Variants in PHF14 observed in about 807,000 individuals in gnomAD.
PHF14 encodes the protein PHD finger protein 14.
Under a neutral mutation model 117.9 loss-of-function variants are expected in PHF14, and 55 were observed. That is an observed-to-expected ratio of 0.47 (90% CI 0.38 to 0.58). The LOEUF is 0.58. Among genes scored for constraint, PHF14 ranks in the 20% least tolerant of loss-of-function variants. The pLI is 0.00. For synonymous variants in PHF14, 409 were observed against 368.6 expected, an observed-to-expected ratio of 1.11 and a Z score of -1.26; for missense variants, 978 against 1,122.2, an observed-to-expected ratio of 0.87 and a Z score of 1.84.
intron 13 of PHF14, among the ~76,000 whole-genome samples, chr7:11,047,243 T>C (rs1784699436): frequency 1.3e-5 from 2 of 152,040 alleles, no homozygotes; most frequent in Admixed American, 1.3e-4. Flanking sequence ...TAATTTTTTG[T>C]ATTTTTAGTA....
chr7:11,005,787 CTTTTTTTTTT>C (rs951270672), intron 4 of PHF14, among the ~76,000 whole-genome samples: 5 of 84,448 alleles, frequency 5.9e-5, no homozygotes, highest in Admixed American at 3.2e-4. Flanking sequence ...AGTAAAAATT[CTTTTTTTTTT>C]TTTTTTTTTT....
chr7:11,001,951 C>T (rs964107444), intron 4 of PHF14, among the ~76,000 whole-genome samples: 1 of 152,082 alleles, frequency 6.6e-6, no homozygotes, highest in Non-Finnish European at 1.5e-5. Flanking sequence ...CTTCTAGTTT[C>T]TCATCGTTAA....
intron 5 of PHF14, among the ~76,000 whole-genome samples, chr7:11,015,469 G>A (rs1783502940): frequency 6.6e-6 from 1 of 152,162 alleles, no homozygotes; most frequent in African/African-American, 2.4e-5. Context: ...CATAGGCATA[G>A]GCATTACTCT....
intron 4 of PHF14, among the ~76,000 whole-genome samples, chr7:10,991,428 G>T (rs2539823): frequency 6.6e-6 from 1 of 151,776 alleles, no homozygotes; most frequent in Admixed American, 6.6e-5. Flanking sequence ...CACCCGCCTT[G>T]GCCACCCAAG....
intron 17 of PHF14, among the ~76,000 whole-genome samples, chr7:11,122,254 A>G (rs1787776533): frequency 6.7e-6 from 1 of 148,670 alleles, no homozygotes; most frequent in Non-Finnish European, 1.5e-5. Context: ...TACTATTTCC[A>G]GATCACAGTT....
intron 16 of PHF14, among the ~76,000 whole-genome samples, chr7:11,070,697 T>G (rs1007113132): frequency 2.6e-5 from 4 of 152,226 alleles, no homozygotes; most frequent in Non-Finnish European, 5.9e-5. Flanking sequence ...GTAAGTTGTG[T>G]CATTATTGTC....
At chr7:11,008,152 A>G (rs1008614778) in intron 4 of PHF14, among the ~76,000 whole-genome samples, 1 of 152,206 alleles carries the variant, frequency 6.6e-6, no homozygotes. Context: ...TTTAGTTGCT[A>G]TTCATTAAAT....
intron 17 of PHF14, among the ~76,000 whole-genome samples, chr7:11,144,808 A>G (rs1428516598): frequency 6.6e-6 from 1 of 151,800 alleles, no homozygotes; most frequent in East Asian, 1.9e-4. Context: ...AACATATATG[A>G]ACCTTAAGAA....
At chr7:11,008,454 C>G (rs564595436) in intron 4 of PHF14, among the ~76,000 whole-genome samples, 39 of 152,182 alleles carry the variant, frequency 2.6e-4, no homozygotes, top group Middle Eastern at 3.4e-3. Context: ...CACCTCCTGT[C>G]GGATCAGTGG....
chr7:11,137,189 G>T (rs1408961567), intron 17 of PHF14, among the ~76,000 whole-genome samples: 1 of 152,156 alleles, frequency 6.6e-6, no homozygotes, highest in Non-Finnish European at 1.5e-5. Context: ...GGAAAATACA[G>T]AAAATATATA....
chr7:11,040,204 G>C (rs562302057), intron 11 of PHF14, among the ~76,000 whole-genome samples: 19 of 152,138 alleles, frequency 1.2e-4, no homozygotes, highest in African/African-American at 4.6e-4. Context: ...TGTCTGAGAA[G>C]CCAGCATACT....
chr7:11,115,024 TTA>T (rs1218746272), intron 17 of PHF14, among the ~76,000 whole-genome samples: 5 of 152,098 alleles, frequency 3.3e-5, no homozygotes, highest in Non-Finnish European at 7.4e-5. Context: ...AACTTTTCTC[TTA>T]TTTTTCCCTT....
chr7:11,168,291 C>T (rs1789269336), intron 17 of PHF14, among the ~76,000 whole-genome samples: 1 of 152,122 alleles, frequency 6.6e-6, no homozygotes. Context: ...TCTCTACTTT[C>T]CCAGTGTTAA....
intron 17 of PHF14, among the ~76,000 whole-genome samples, chr7:11,122,346 T>TACACACAC (rs1256614887): frequency 1.9e-4 from 12 of 64,550 alleles, no homozygotes; most frequent in Non-Finnish European, 3.0e-4. Context: ...TATATATATA[T>TACACACAC]ATATATACAC....
At chr7:10,976,162 G>A (rs755957503) in intron 2 of PHF14, among the ~76,000 whole-genome samples, 1 of 152,112 alleles carries the variant, frequency 6.6e-6, no homozygotes, top group Non-Finnish European at 1.5e-5. Flanking sequence ...GTTGATGGAC[G>A]GAATCTTAAA....
At chr7:11,135,830 C>A (rs1788205891) in intron 17 of PHF14, among the ~76,000 whole-genome samples, 1 of 152,212 alleles carries the variant, frequency 6.6e-6, no homozygotes, top group Admixed American at 6.5e-5. Context: ...ATACGGAAGG[C>A]TTTTTAATTT....
At chr7:10,996,937 T>G (rs1782673562) in intron 4 of PHF14, among the ~76,000 whole-genome samples, 1 of 152,194 alleles carries the variant, frequency 6.6e-6, no homozygotes, top group Non-Finnish European at 1.5e-5. Flanking sequence ...GTAGGTTTTA[T>G]TTTTATTTGT....
At position 11,027,501 on chromosome 7, in the gene PHF14, T is replaced by C. The variant is rs949894811; in HGVS notation, c.1318-1180T>C. Reference sequence around the variant, plus strand: ...TCTGTTACCAGAGTAGTTTAAACTTTTAGACTAGCTAATTCCCCCTTTTTC... The same window carrying C: ...TCTGTTACCAGAGTAGTTTAAACTTCTAGACTAGCTAATTCCCCCTTTTTC... On this transcript the variant is annotated intron_variant, in intron 6 of 17. Transcript: ENST00000634607. 5.9e-5 allele frequency among the ~76,000 whole-genome samples: 9 copies of C among 152,278 alleles called. No individual in the cohort carries two copies. In the East Asian group the frequency reaches 1.7e-3, roughly 29 times the overall value.
chr7:10,978,707 A>G (rs1291220189), intron 2 of PHF14, among the ~76,000 whole-genome samples: 1 of 152,178 alleles, frequency 6.6e-6, no homozygotes, highest in Non-Finnish European at 1.5e-5. Context: ...TTCCTCTACT[A>G]GATGCCAGTA....
Sources: allele counts gnomAD v4.1 joint callset (sites outside exome capture counted in the v4.1 genomes callset), GRCh38; gene constraint gnomAD v4.1.1; transcripts MANE v1.5; gene names NCBI Gene and HGNC (gene_info 2026-07-23, HGNC 2026-07-21).